The following DSTYK variants were observed in gnomAD, a reference collection of about 807,000 sequenced individuals.
DSTYK encodes RIP-homologous kinase.
In DSTYK, 34 loss-of-function variants were observed where a neutral mutation model predicts 98.7. The observed-to-expected ratio is 0.34, with a 90% CI of 0.26 to 0.46. The LOEUF (loss-of-function observed/expected upper bound fraction) is 0.46. Ranked by LOEUF, DSTYK falls within the 20% of genes least tolerant of loss-of-function variation. DSTYK has a pLI of 1.00. For synonymous variants in DSTYK, 462 were observed against 457.3 expected (o/e 1.01, Z -0.13); for missense variants, 962 against 1,181.7 (o/e 0.81, Z 2.73).
At position 205,211,564 on chromosome 1, in the gene DSTYK, C is replaced by G; in HGVS notation, c.-29G>C. ...CTCTGCCCGCTCTGTCTTTGCGGCT[C>G]GGTCCCCGGCCGCAGGCCCGGCCTC... On this transcript the variant is annotated 5_prime_UTR_variant, in exon 1 of 13. Coordinates refer to ENST00000367162, the MANE Select transcript of DSTYK (RefSeq NM_015375.3). 4.9e-6 allele frequency: 7 copies of G among 1,427,048 alleles called. No individual in the cohort carries two copies. The South Asian group carries it at 1.1e-4, about 21-fold the overall frequency. 88.4% of individuals were successfully genotyped at this position (1,427,048 alleles called of 1,614,324 possible). A position where few individuals can be genotyped will look rare whatever the true frequency, so the allele number is the denominator to read the frequency against.
rs535554109 is a variant in DSTYK at position 205,162,016 on chromosome 1, C to T, written c.1818+20G>A. 1.2e-6 allele frequency: 2 copies of T among 1,606,794 alleles called. No homozygotes were observed. The highest frequency in any genetic ancestry group is 1.7e-6 in the Non-Finnish European group (2 of 1,174,984). ...TCTTCTCTGCTTGATCCAGCTGTAT[C>T]TCCTTTCCTACATACCAACCTGCCG... On this transcript the variant is annotated intron_variant, in intron 6 of 12. Coordinates refer to ENST00000367162, the MANE Select transcript of DSTYK (RefSeq NM_015375.3).
At chr1:205,192,870 A>C (rs948077231) in intron 1 of DSTYK, among the ~76,000 whole-genome samples, 1 of 152,184 alleles carries the variant, frequency 6.6e-6, no homozygotes, top group African/African-American at 2.4e-5. Flanking sequence ...TTCAAAAAGA[A>C]AAAACAAGAA....
At chr1:205,178,799 T>C (rs767098186) in intron 2 of DSTYK, among the ~76,000 whole-genome samples, 2 of 152,140 alleles carry the variant, frequency 1.3e-5, no homozygotes, top group African/African-American at 4.8e-5. Context: ...GTAGGTGCTT[T>C]CAACACATTC....
chr1:205,207,755 C>CAAAAAAAAAAAAAAAAAAAAAAAAAA (rs766036213), intron 1 of DSTYK, among the ~76,000 whole-genome samples: 1 of 52,728 alleles, frequency 1.9e-5, no homozygotes, highest in African/African-American at 1.1e-4. Context: ...GACTCTGTCT[C>CAAAAAAAAAAAAAAAAAAAAAAAAAA]AAAAAAAAAA....
intron 3 of DSTYK, among the ~76,000 whole-genome samples, chr1:205,165,093 G>C (rs1657848930): frequency 6.6e-6 from 1 of 152,026 alleles, no homozygotes; most frequent in Admixed American, 6.6e-5. Flanking sequence ...TCTATGTTTT[G>C]TTTTGTTTTG....
rs944932579 is a variant in DSTYK, at chr1:205,146,289, T to C, written c.*1269A>G. ...TTCCAGTATGTTTGTACATAGGCCA[T>C]GGCCTCCAATCATCTCCCACCTCTC... On this transcript the variant is annotated 3_prime_UTR_variant, in exon 13 of 13. Transcript: ENST00000367162. The C allele has an allele frequency of 5.3e-5, 8 of 152,180 alleles. No individual in the cohort carries two copies. Among genetic ancestry groups the C allele is most frequent in the Non-Finnish European group, 1.2e-4 (8 of 68,040 alleles). The allele number at this position is 152,180 out of a possible 1,614,324, so 9.4% of individuals were successfully genotyped here.
chr1:205,176,270 G>A (rs1166322670), intron 2 of DSTYK, among the ~76,000 whole-genome samples: 2 of 152,054 alleles, frequency 1.3e-5, no homozygotes, highest in Non-Finnish European at 2.9e-5. Flanking sequence ...CTGAGGTTGG[G>A]AGTTCAAGAC....
chr1:205,207,134 A>C (rs929733548), intron 1 of DSTYK, among the ~76,000 whole-genome samples: 2 of 148,688 alleles, frequency 1.3e-5, no homozygotes, highest in African/African-American at 2.5e-5. Context: ...GCTGGAGTGC[A>C]ATGGCTCGAT....
At chr1:205,167,870 G>C (rs144250564) in intron 3 of DSTYK, among the ~76,000 whole-genome samples, 1 of 152,186 alleles carries the variant, frequency 6.6e-6, no homozygotes, top group Admixed American at 6.5e-5. Flanking sequence ...CCAGCACTTC[G>C]GGAGGCCGAG....
intron 5 of DSTYK, 112 bp from the exon 6 acceptor site, chr1:205,162,324 G>T: frequency 7.9e-7 from 1 of 1,269,002 alleles, no homozygotes; most frequent in Non-Finnish European, 1.1e-6. Context: ...AGGCTCATAA[G>T]ATGGGAGCCA....
rs1657971461 is a variant in DSTYK at position 205,169,038 on chromosome 1, A to G, written c.1324+125T>C. ...TAAATAGTGGGCTCCTGCTGGTAACAGTGGGGTGGATGAAGTTACCCTGAG... is the reference window on the plus strand; with the variant it reads ...TAAATAGTGGGCTCCTGCTGGTAACGGTGGGGTGGATGAAGTTACCCTGAG... On this transcript the variant is annotated intron_variant, in intron 3 of 12. Coordinates refer to ENST00000367162, the MANE Select transcript of DSTYK (RefSeq NM_015375.3). This position sits in a 1 kb window ranked among gnomAD's most constrained non-coding sequence, Gnocchi z 4.0. 1 of 804,692 alleles carries G rather than the reference A, an allele frequency of 1.2e-6. No individual in the cohort carries two copies. Among genetic ancestry groups the G allele is most frequent in the East Asian group, 2.5e-5 (1 of 39,292 alleles). The allele number at this position is 804,692 out of a possible 1,614,324, so 49.8% of individuals were successfully genotyped here.
chr1:205,162,200 T>C lies in DSTYK; in HGVS notation c.1654A>G (p.Ile552Val). Residue 552 changes from isoleucine to valine, a missense_variant, in exon 6 of 13, where the codon ATC (isoleucine) becomes GTC (valine). By Grantham distance (29) the Ile-to-Val change is conservative. Coordinates refer to ENST00000367162, the MANE Select transcript of DSTYK (RefSeq NM_015375.3). ...WEQIKQIIQR[I>V]TWVSPPAITL... ...ATGGCAGGTGGGCTCACCCATGTGA[T>C]GCGCTGGATGATCTACCAGGATGAA... is the stretch of plus-strand genomic sequence containing the variant. 5 of 1,613,958 alleles carry C rather than the reference T, an allele frequency of 3.1e-6. No homozygotes were observed. Among genetic ancestry groups the C allele is most frequent in the Non-Finnish European group, 3.4e-6 (4 of 1,179,866 alleles).
At chr1:205,153,867 C>CTTTTTTTTTTTTTTTTTTTTT (rs771169377) in intron 10 of DSTYK, among the ~76,000 whole-genome samples, 1 of 132,678 alleles carries the variant, frequency 7.5e-6, no homozygotes, top group African/African-American at 2.8e-5. Flanking sequence ...GCCTGGCTAA[C>CTTTTTTTTTTTTTTTTTTTTT]TTTTTTTTTT....
At chr1:205,177,893 CCTTGA>C (rs1658278303) in intron 2 of DSTYK, among the ~76,000 whole-genome samples, 1 of 151,770 alleles carries the variant, frequency 6.6e-6, no homozygotes, top group African/African-American at 2.4e-5. Flanking sequence ...AAAGAAAATA[CCTTGA>C]CTCTTTTTGG....
chr1:205,160,863 A>G lies in DSTYK; in HGVS notation c.1948+395T>C, dbSNP rs545918018. ...AGTGGTATGATCTTGGCTCACTGCAACCTCTACTTCCTGGGTTCAAGTGAA... is the reference window on the plus strand; with the variant it reads ...AGTGGTATGATCTTGGCTCACTGCAGCCTCTACTTCCTGGGTTCAAGTGAA... On this transcript the variant is annotated intron_variant, in intron 7 of 12. Coordinates refer to ENST00000367162, the MANE Select transcript of DSTYK (RefSeq NM_015375.3). Among the ~76,000 whole-genome samples, 11 of 151,756 alleles carry G rather than the reference A, an allele frequency of 7.2e-5. No homozygotes were observed. In the East Asian group the frequency reaches 1.2e-3, roughly 16 times the overall value.
At chr1:205,154,750 T>C (rs1657507973) in intron 10 of DSTYK, among the ~76,000 whole-genome samples, 2 of 152,168 alleles carry the variant, frequency 1.3e-5, no homozygotes, top group Admixed American at 1.3e-4. Flanking sequence ...AGTTTGGAAC[T>C]TCCTAGAGAC....
intron 1 of DSTYK, among the ~76,000 whole-genome samples, chr1:205,196,758 ATTTTTTTTTT>A (rs113524415): frequency 1.8e-5 from 2 of 109,866 alleles, no homozygotes; most frequent in African/African-American, 3.7e-5. Context: ...AAAATGGTGA[ATTTTTTTTTT>A]TTTTTTTTTT....
intron 10 of DSTYK, among the ~76,000 whole-genome samples, chr1:205,153,679 T>C (rs1657466388): frequency 7.0e-6 from 1 of 143,394 alleles, no homozygotes. Flanking sequence ...TACTTAGGAA[T>C]AAAATGTTTT....
rs542688934 is a variant in DSTYK, at chr1:205,169,479, C to A, written c.1008G>T (p.Gln336His). ...TGCTCAAGTGTCTCAGCTTTTCACT[C>A]TGTTCCACCAACATGCTCTGAGCTT... The part of the protein sequence containing the change: ...DTKAQSMLVE[Q>H]SEKLRHLSTF... The change falls in exon 3 of 13, where the codon CAG becomes CAT. Residue 336 changes from glutamine to histidine, a missense_variant. Transcript: ENST00000367162. The surrounding 1 kb of genome is among the most constrained non-coding windows in gnomAD (Gnocchi z 4.0). The A allele has an allele frequency of 1.7e-5, 28 of 1,614,172 alleles. No individual in the cohort carries two copies. Among genetic ancestry groups the A allele is most frequent in the Middle Eastern group, 1.6e-4 (1 of 6,062 alleles).
Sources: allele counts gnomAD v4.1 joint callset (sites outside exome capture counted in the v4.1 genomes callset), GRCh38; gene constraint gnomAD v4.1.1; non-coding constraint Gnocchi (gnomAD v3.1); transcripts MANE v1.5; gene names NCBI Gene and HGNC (gene_info 2026-07-23, HGNC 2026-07-21).